The following HCN1 variants were observed in gnomAD, a reference collection of about 807,000 sequenced individuals.
HCN1 encodes the protein hyperpolarization activated cyclic nucleotide gated potassium channel 1.
A neutral mutation model predicts 78.9 loss-of-function variants in HCN1; 13 were observed. The observed-to-expected ratio is 0.16, with a 90% CI of 0.11 to 0.26. HCN1 has a LOEUF of 0.26. Among genes scored for constraint, HCN1 ranks in the 10% least tolerant of loss-of-function variants. HCN1 has a pLI of 1.00. For synonymous variants in HCN1, 552 were observed against 455.5 expected (o/e 1.21, Z -2.70); for missense variants, 810 against 1,154.3 (o/e 0.70, Z 4.32).
At chr5:45,505,187 C>T (rs1205791128) in intron 2 of HCN1, among the ~76,000 whole-genome samples, 7 of 152,014 alleles carry the variant, frequency 4.6e-5, no homozygotes, top group Admixed American at 1.3e-4. Context: ...ATGCCTATGT[C>T]CTGAATGGTA....
chr5:45,560,711 T>G (rs1743580941), intron 2 of HCN1, among the ~76,000 whole-genome samples: 1 of 152,018 alleles, frequency 6.6e-6, no homozygotes, highest in Admixed American at 6.6e-5. Context: ...ATAACAAAAA[T>G]TATTTGTATA....
intron 6 of HCN1, among the ~76,000 whole-genome samples, chr5:45,282,704 C>T (rs978424544): frequency 6.6e-5 from 10 of 152,172 alleles, no homozygotes; most frequent in Admixed American, 2.0e-4. Context: ...TTAGTTCCAG[C>T]TACGTGCTTC....
chr5:45,420,321 T>C (rs1294672462), intron 3 of HCN1, among the ~76,000 whole-genome samples: 1 of 152,148 alleles, frequency 6.6e-6, no homozygotes, highest in African/African-American at 2.4e-5. Context: ...GGTGGCAACA[T>C]GCCCAGCTTA....
intron 3 of HCN1, among the ~76,000 whole-genome samples, chr5:45,459,412 A>C (rs1741097977): frequency 6.6e-6 from 1 of 151,494 alleles, no homozygotes; most frequent in African/African-American, 2.4e-5. Flanking sequence ...AAAAAAAAAA[A>C]AAAGCCAAGA....
chr5:45,639,615 T>G lies in HCN1; in HGVS notation c.849+5570A>C, dbSNP rs568367773. ...ATTGATATTTAAAATTGTAAAACACTGCAAATAGACTTCATAGAAGGCCTT... is the reference window on the plus strand; with the variant it reads ...ATTGATATTTAAAATTGTAAAACACGGCAAATAGACTTCATAGAAGGCCTT... On this transcript the variant is annotated intron_variant, in intron 2 of 7. Transcript: ENST00000303230. Among the ~76,000 whole-genome samples, 6 of 152,296 alleles carry G rather than the reference T, an allele frequency of 3.9e-5. 1 individual carries two copies. The South Asian group carries it at 1.0e-3, about 26-fold the overall frequency.
chr5:45,678,351 C>T (rs930738457), intron 1 of HCN1, among the ~76,000 whole-genome samples: 1 of 151,910 alleles, frequency 6.6e-6, no homozygotes, highest in East Asian at 1.9e-4. Context: ...TTTTCTTTAG[C>T]AGACTCAAAG....
chr5:45,383,719 T>C (rs1360521901), intron 4 of HCN1, among the ~76,000 whole-genome samples: 1 of 139,392 alleles, frequency 7.2e-6, no homozygotes, highest in Non-Finnish European at 1.5e-5. Context: ...ACAGATTCTG[T>C]TTCAAAAAAA....
At chr5:45,473,369 T>G (rs1741442797) in intron 2 of HCN1, among the ~76,000 whole-genome samples, 1 of 151,920 alleles carries the variant, frequency 6.6e-6, no homozygotes, top group Non-Finnish European at 1.5e-5. Context: ...TTAAAAAACT[T>G]ACCCAGATTT....
At chr5:45,356,031 T>A (rs1365630728) in intron 4 of HCN1, among the ~76,000 whole-genome samples, 1 of 151,984 alleles carries the variant, frequency 6.6e-6, no homozygotes, top group Non-Finnish European at 1.5e-5. Flanking sequence ...ATCACTTCCA[T>A]GTGATGTGAA....
intron 4 of HCN1, among the ~76,000 whole-genome samples, chr5:45,355,949 A>G (rs148774616): frequency 6.6e-6 from 1 of 152,170 alleles, no homozygotes; most frequent in African/African-American, 2.4e-5. Flanking sequence ...CACACTAAAA[A>G]CAGGAGCTTT....
intron 2 of HCN1, among the ~76,000 whole-genome samples, chr5:45,551,034 A>G (rs1743357766): frequency 6.6e-6 from 1 of 152,026 alleles, no homozygotes; most frequent in Non-Finnish European, 1.5e-5. Flanking sequence ...TTAAGCATAC[A>G]GATCTTAATA....
chr5:45,259,108 A>G lies in HCN1; in HGVS notation c.*2813T>C, dbSNP rs1279389580. Reference sequence around the variant, plus strand: ...TTTAAAGTCCTCTCATTCCAGAATTATAGAATATAATTGATTTTATGTGAT... The same window carrying G: ...TTTAAAGTCCTCTCATTCCAGAATTGTAGAATATAATTGATTTTATGTGAT... On this transcript the variant is annotated 3_prime_UTR_variant, in exon 8 of 8. Coordinates refer to ENST00000303230, the MANE Select transcript of HCN1 (RefSeq NM_021072.4). The G allele has an allele frequency of 6.6e-6, 1 of 152,166 alleles. No individual in the cohort carries two copies. Among genetic ancestry groups the G allele is most frequent in the African/African-American group, 2.4e-5 (1 of 41,564 alleles). The allele number at this position is 152,166 out of a possible 1,614,324, so 9.4% of individuals were successfully genotyped here.
intron 5 of HCN1, among the ~76,000 whole-genome samples, chr5:45,343,266 A>C (rs1746622012): frequency 6.6e-6 from 1 of 152,204 alleles, no homozygotes; most frequent in Non-Finnish European, 1.5e-5. Flanking sequence ...TACTTGATTC[A>C]ATTTATAATG....
At chr5:45,472,674 A>T (rs374033906) in intron 2 of HCN1, among the ~76,000 whole-genome samples, 87 of 151,880 alleles carry the variant, frequency 5.7e-4, no homozygotes, top group Non-Finnish European at 1.1e-3. Context: ...ATCCCAGTTC[A>T]GAAACATTTG....
intron 2 of HCN1, among the ~76,000 whole-genome samples, chr5:45,554,978 G>T (rs1743442847): frequency 6.6e-6 from 1 of 151,634 alleles, no homozygotes; most frequent in Non-Finnish European, 1.5e-5. Context: ...CTGCTGTTTT[G>T]ATATGGCTGC....
chr5:45,458,889 C>G (rs1437102538), intron 3 of HCN1, among the ~76,000 whole-genome samples: 1 of 152,008 alleles, frequency 6.6e-6, no homozygotes. Flanking sequence ...TAAATAAATG[C>G]AGGGTGCTTT....
intron 5 of HCN1, among the ~76,000 whole-genome samples, chr5:45,332,902 T>A (rs1340556641): frequency 6.6e-6 from 1 of 151,792 alleles, no homozygotes; most frequent in Non-Finnish European, 1.5e-5. Context: ...GATGGACACT[T>A]CAGTTGTTTC....
At chr5:45,355,162 T>C (rs1383285576) in intron 4 of HCN1, among the ~76,000 whole-genome samples, 2 of 152,084 alleles carry the variant, frequency 1.3e-5, no homozygotes, top group East Asian at 1.9e-4. Context: ...CTAAATGATC[T>C]TCCTTTTACT....
intron 3 of HCN1, among the ~76,000 whole-genome samples, chr5:45,425,516 A>G (rs1318695127): frequency 6.6e-6 from 1 of 152,194 alleles, no homozygotes; most frequent in Non-Finnish European, 1.5e-5. Flanking sequence ...GGCAGAAGAA[A>G]TTTCATATGA....
Sources: allele counts gnomAD v4.1 joint callset (sites outside exome capture counted in the v4.1 genomes callset), GRCh38; gene constraint gnomAD v4.1.1; transcripts MANE v1.5; gene names NCBI Gene and HGNC (gene_info 2026-07-23, HGNC 2026-07-21).